NKAIN2: variants seen among roughly 807,000 people sequenced by gnomAD.
NKAIN2 encodes sodium/potassium transporting ATPase interacting 2, also known as sodium/potassium-transporting ATPase subunit beta-1-interacting protein 2.
NKAIN2 carries 14 observed loss-of-function variants against 32.6 expected under a neutral mutation model. The observed-to-expected ratio is 0.43, with a 90% CI of 0.28 to 0.67. The LOEUF (loss-of-function observed/expected upper bound fraction) is 0.67. Among genes scored for constraint, NKAIN2 ranks in the 30% least tolerant of loss-of-function variants. The probability of loss-of-function intolerance (pLI) is 0.17; values close to 1 mark genes in which losing one functional copy is unlikely to be tolerated. For missense variants in NKAIN2, 198 were observed against 258.3 expected (o/e 0.77, Z 1.60); for synonymous variants, 80 against 87.2 (o/e 0.92, Z 0.46).
chr6:124,488,984 T>C (rs563769901), intron 3 of NKAIN2, among the ~76,000 whole-genome samples: 1 of 152,048 alleles, frequency 6.6e-6, no homozygotes, highest in Non-Finnish European at 1.5e-5. Context: ...ACACATCTGA[T>C]ATAGTTTAAT....
chr6:124,524,518 G>C lies in NKAIN2; in HGVS notation c.274-133668G>C, dbSNP rs73565322. ...TATTTAATTTTTACCATCCATACTT[G>C]TTTCTAGCTACTAATATATGTTTTC... On this transcript the variant is annotated intron_variant, in intron 3 of 6. Coordinates refer to ENST00000368417, the MANE Select transcript of NKAIN2 (RefSeq NM_001040214.3). 3.2e-3 allele frequency among the ~76,000 whole-genome samples: 484 copies of C among 152,074 alleles called. 4 individuals are homozygous for C. The highest frequency in any genetic ancestry group is 0.011 in the African/African-American group (464 of 41,488).
chr6:124,603,742 T>G (rs1782394456), intron 3 of NKAIN2, among the ~76,000 whole-genome samples: 1 of 151,846 alleles, frequency 6.6e-6, no homozygotes, highest in Non-Finnish European at 1.5e-5. Flanking sequence ...GACAAGAAAG[T>G]GGGAAATAGG....
chr6:124,463,280 C>T (rs1776606041), intron 3 of NKAIN2, among the ~76,000 whole-genome samples: 1 of 151,902 alleles, frequency 6.6e-6, no homozygotes, highest in Non-Finnish European at 1.5e-5. Flanking sequence ...TAATTATTGC[C>T]ACTACTACTT....
intron 3 of NKAIN2, among the ~76,000 whole-genome samples, chr6:124,469,031 C>T (rs1672593074): frequency 6.6e-6 from 1 of 152,122 alleles, no homozygotes; most frequent in Non-Finnish European, 1.5e-5. Flanking sequence ...TTGGGGACAC[C>T]CACACACTGT....
chr6:124,612,360 C>A (rs1185378764), intron 3 of NKAIN2, among the ~76,000 whole-genome samples: 9 of 152,092 alleles, frequency 5.9e-5, no homozygotes, highest in Admixed American at 5.9e-4. Context: ...ATTTATCTTA[C>A]ATAAATTAAA....
At chr6:123,978,695 A>G (rs1342953078) in intron 1 of NKAIN2, among the ~76,000 whole-genome samples, 2 of 152,102 alleles carry the variant, frequency 1.3e-5, no homozygotes, top group Non-Finnish European at 2.9e-5. Flanking sequence ...GTGTGTGTGT[A>G]TGGGTGAGTA....
In NKAIN2 at chr6:124,178,061, G is replaced by C. The variant is rs1417035987; in HGVS notation, c.55-104944G>C. ...GCCTCCCAAAGTGCTGGGATTACAG[G>C]CGTGAGCCACCGCGCCCGGCCAATC... On this transcript the variant is annotated intron_variant, in intron 1 of 6. Transcript: ENST00000368417. 3.5e-3 allele frequency among the ~76,000 whole-genome samples: 8 copies of C among 2,258 alleles called. 4 individuals are homozygous for C. The highest frequency in any genetic ancestry group is 0.25 in the Middle Eastern group (2 of 8). 1.5% of individuals were successfully genotyped at this position (2,258 alleles called of 152,430 possible).
In NKAIN2 at chr6:124,362,322, T is replaced by C. The variant is rs144073807; in HGVS notation, c.273+6975T>C. Among the ~76,000 whole-genome samples the C allele has an allele frequency of 9.7e-3, 1,481 of 152,214 alleles. 9 individuals are homozygous for C. Among genetic ancestry groups the C allele is most frequent in the Non-Finnish European group, 0.016 (1,104 of 67,990 alleles). ...AAGATATTCGACCTATTATTAATAA[T>C]TAAATGTAATGTAACTCTTTCCCAA... On this transcript the variant is annotated intron_variant, in intron 3 of 6. Transcript: ENST00000368417.
At chr6:124,184,837 AT>A (rs1202670577) in intron 1 of NKAIN2, among the ~76,000 whole-genome samples, 3 of 152,028 alleles carry the variant, frequency 2.0e-5, no homozygotes, top group Non-Finnish European at 4.4e-5. Context: ...ATCATCTTGC[AT>A]TTTTTTTCAG....
intron 4 of NKAIN2, among the ~76,000 whole-genome samples, chr6:124,677,473 C>G (rs1006778142): frequency 6.6e-6 from 1 of 151,960 alleles, no homozygotes. Context: ...TAGTGGCATA[C>G]TTTGACTTAT....
chr6:124,301,020 T>G (rs897258742), intron 2 of NKAIN2, among the ~76,000 whole-genome samples: 1 of 152,088 alleles, frequency 6.6e-6, no homozygotes, highest in Non-Finnish European at 1.5e-5. Context: ...AGAAAATGTC[T>G]CCAGGGCATG....
intron 3 of NKAIN2, among the ~76,000 whole-genome samples, chr6:124,524,939 TGGCACTGCTGAACA>T: frequency 6.6e-6 from 1 of 152,166 alleles, no homozygotes; most frequent in East Asian, 1.9e-4. Context: ...GGAAACAAGA[TGGCACTGCTGAACA>T]CCCGTACAGC....
At position 124,625,728 on chromosome 6, in the gene NKAIN2, ATTTT is replaced by A. The variant is rs200831571; in HGVS notation, c.274-32455_274-32452del. On this transcript the variant is annotated intron_variant, in intron 3 of 6. Transcript: ENST00000368417. The stretch of plus-strand genomic sequence containing the variant: ...TATTTATTTATTTATTTATTTATTT[ATTTT>A]TTGGTCTTTTACAGAAAATCTTCAA... Among the ~76,000 whole-genome samples, 163 of 127,738 alleles carry A rather than the reference ATTTT, an allele frequency of 1.3e-3. 2 individuals carry two copies. In the East Asian group the frequency reaches 0.016, roughly 13 times the overall value. 83.8% of individuals were successfully genotyped at this position (127,738 alleles called of 152,430 possible). A position where few individuals can be genotyped will look rare whatever the true frequency, so the allele number is the denominator to read the frequency against.
chr6:124,700,380 TGTTGA>T (rs1774715419), intron 4 of NKAIN2, among the ~76,000 whole-genome samples: 1 of 152,186 alleles, frequency 6.6e-6, no homozygotes, highest in Admixed American at 6.6e-5. Flanking sequence ...AAACTCAAAG[TGTTGA>T]GTTACATCAG....
At chr6:124,366,436 A>G (rs1799520039) in intron 3 of NKAIN2, among the ~76,000 whole-genome samples, 2 of 151,724 alleles carry the variant, frequency 1.3e-5, no homozygotes, top group South Asian at 2.1e-4. Flanking sequence ...ATCATTAATC[A>G]AAATCTTTTG....
At chr6:124,009,953 G>A (rs921284462) in intron 1 of NKAIN2, among the ~76,000 whole-genome samples, 2 of 152,066 alleles carry the variant, frequency 1.3e-5, no homozygotes, top group African/African-American at 4.8e-5. Flanking sequence ...GTGTGTGTGT[G>A]TATGTATGTA....
At chr6:124,153,324 G>T (rs181269904) in intron 1 of NKAIN2, among the ~76,000 whole-genome samples, 2 of 151,768 alleles carry the variant, frequency 1.3e-5, no homozygotes, top group Non-Finnish European at 3.0e-5. Context: ...GGATATTGTA[G>T]ATTCTTTGAG....
intron 1 of NKAIN2, among the ~76,000 whole-genome samples, chr6:124,226,492 A>T (rs549805460): frequency 6.6e-6 from 1 of 152,174 alleles, no homozygotes; most frequent in Non-Finnish European, 1.5e-5. Flanking sequence ...TTGTTGAATC[A>T]CTAACAGCAG....
At chr6:124,246,527 T>A (rs1793408963) in intron 1 of NKAIN2, among the ~76,000 whole-genome samples, 1 of 152,092 alleles carries the variant, frequency 6.6e-6, no homozygotes, top group Admixed American at 6.6e-5. Context: ...TTTTATGGTC[T>A]GGTTGTCTTA....
Sources: gnomAD v4.1 joint callset for allele counts (sites outside exome capture counted in the v4.1 genomes callset) on GRCh38, gnomAD v4.1.1 for gene constraint, MANE v1.5 for transcripts, NCBI Gene and HGNC (gene_info 2026-07-23, HGNC 2026-07-21) for gene names.